Variants in PTGIS observed in about 807,000 individuals in gnomAD.
PTGIS encodes prostacyclin synthase.
In PTGIS, 45 loss-of-function variants were observed where a neutral mutation model predicts 50.3. That is an observed-to-expected ratio of 0.90 (90% confidence interval 0.70 to 1.15). PTGIS has a LOEUF of 1.15. Among genes scored for constraint, PTGIS ranks in the 50% most tolerant of loss-of-function variants. The probability of loss-of-function intolerance (pLI) is 0.00; values close to 1 mark genes in which losing one functional copy is unlikely to be tolerated. For missense variants in PTGIS, 668 were observed against 661.3 expected (o/e 1.01, Z -0.11); for synonymous variants, 260 against 267.7 (o/e 0.97, Z 0.28).
At chr20:49,544,712 G>C (rs1982315231) in intron 3 of PTGIS, among the ~76,000 whole-genome samples, 1 of 152,204 alleles carries the variant, frequency 6.6e-6, no homozygotes, top group African/African-American at 2.4e-5. Context: ...CCATTTTACA[G>C]ATGGAGAAAC....
At chr20:49,547,724 C>A in intron 3 of PTGIS, 117 bp downstream of exon 3, 1 of 1,223,518 alleles carries the variant, frequency 8.2e-7, no homozygotes, top group South Asian at 1.2e-5. Context: ...TTTGTGTTCT[C>A]AAGACAAAAT....
chr20:49,546,149 C>T (rs546637356), intron 3 of PTGIS, among the ~76,000 whole-genome samples: 20 of 152,222 alleles, frequency 1.3e-4, no homozygotes, highest in Non-Finnish European at 2.8e-4. Context: ...CCACTCCAAG[C>T]GCTGGTCCTC....
At chr20:49,521,056 T>C (rs2122851330) in intron 6 of PTGIS, among the ~76,000 whole-genome samples, 1 of 152,360 alleles carries the variant, frequency 6.6e-6, no homozygotes, top group South Asian at 2.1e-4. Context: ...CCCCAGCTTC[T>C]AGAATGGGGC....
chr20:49,560,631 C>T (rs1050683968), intron 1 of PTGIS, among the ~76,000 whole-genome samples: 10 of 152,138 alleles, frequency 6.6e-5, no homozygotes, highest in African/African-American at 1.4e-4. Flanking sequence ...GGAGATGCCA[C>T]GTGAGCAAAG....
At chr20:49,513,950 C>T (rs980814592) in intron 7 of PTGIS, among the ~76,000 whole-genome samples, 2 of 152,182 alleles carry the variant, frequency 1.3e-5, no homozygotes, top group Non-Finnish European at 2.9e-5. Flanking sequence ...TGCATGGATC[C>T]ACCTGTGCCT....
intron 1 of PTGIS, among the ~76,000 whole-genome samples, chr20:49,567,151 C>T (rs1982920027): frequency 2.6e-5 from 4 of 152,276 alleles, no homozygotes; most frequent in African/African-American, 9.6e-5. Flanking sequence ...TTACCTATAA[C>T]AGGATAAATA....
At chr20:49,559,729 A>G (rs1166672524) in intron 1 of PTGIS, among the ~76,000 whole-genome samples, 1 of 152,172 alleles carries the variant, frequency 6.6e-6, no homozygotes, top group Non-Finnish European at 1.5e-5. Flanking sequence ...ATTCATTTAT[A>G]TGAACTGTCC....
At chr20:49,559,378 C>G (rs928786592) in intron 1 of PTGIS, among the ~76,000 whole-genome samples, 1 of 152,188 alleles carries the variant, frequency 6.6e-6, no homozygotes, top group Admixed American at 6.5e-5. Context: ...GGTGTGGCCA[C>G]TCTTTCGTTC....
chr20:49,543,578 C>G lies in PTGIS; in HGVS notation c.521+727G>C, dbSNP rs140558361. On this transcript the variant is annotated intron_variant, in intron 4 of 9. Coordinates refer to ENST00000244043, the MANE Select transcript of PTGIS (RefSeq NM_000961.4). The stretch of plus-strand genomic sequence containing the variant: ...TATGCTGTAGCCACACTGGCCGTCT[C>G]TCTGAGCTTCCTCCCACCTCTGGGC... Among the ~76,000 whole-genome samples, 748 of 152,322 alleles carry G rather than the reference C, an allele frequency of 4.9e-3. 9 individuals carry two copies. Among genetic ancestry groups the G allele is most frequent in the African/African-American group, 0.012 (507 of 41,572 alleles).
rs58592527 is a variant in PTGIS at position 49,530,154 on chromosome 20, C to CA, written c.674-5916dup. Among the ~76,000 whole-genome samples the CA allele has an allele frequency of 4.8e-3, 621 of 128,822 alleles. 1 individual carries two copies. The highest frequency in any genetic ancestry group is 0.016 in the African/African-American group (558 of 34,812). 84.5% of individuals were successfully genotyped at this position (128,822 alleles called of 152,430 possible). On this transcript the variant is annotated intron_variant, in intron 5 of 9. Transcript: ENST00000244043. ...GGGAGACAAAAACGAAACTCTGTCT[C>CA]AAAAAAAAAAAAAAAAAATTAAACT...
Position 49,513,158 on chromosome 20 carries a change from G to C in PTGIS, c.1128C>G (p.Asn376Lys). The stretch of plus-strand genomic sequence containing the variant: ...GGAGGAGGCGGTCACCACGTCGCAG[G>C]TTGAATTCTCGCCCGTCTGCCATGG... ...AMPMADGREF[N>K]LRRGDRLLLF... Residue 376 changes from asparagine (N) to lysine (K), a missense_variant, in exon 8 of 10, where the codon AAC becomes AAG. Physicochemically the swap from Asn to Lys is moderately conservative, Grantham distance 94. Transcript: ENST00000244043. The C allele has an allele frequency of 6.2e-7, 1 of 1,614,144 alleles. No homozygotes were observed. Among genetic ancestry groups the C allele is most frequent in the Non-Finnish European group, 8.5e-7 (1 of 1,180,036 alleles).
chr20:49,545,511 G>A (rs536811782), intron 3 of PTGIS, among the ~76,000 whole-genome samples: 32 of 152,232 alleles, frequency 2.1e-4, no homozygotes, highest in African/African-American at 6.0e-4. Context: ...TGGTCCCATC[G>A]TGTGGACCTG....
chr20:49,530,422 A>T (rs1981907927), intron 5 of PTGIS, among the ~76,000 whole-genome samples: 1 of 152,154 alleles, frequency 6.6e-6, no homozygotes, highest in Non-Finnish European at 1.5e-5. Flanking sequence ...CAGTGATTTC[A>T]TTTCCTTTGA....
At chr20:49,516,919 G>A (rs1452220972) in intron 6 of PTGIS, among the ~76,000 whole-genome samples, 1 of 152,222 alleles carries the variant, frequency 6.6e-6, no homozygotes, top group Non-Finnish European at 1.5e-5. Flanking sequence ...CTGAGACCAG[G>A]TAGAGGTGGG....
intron 5 of PTGIS, among the ~76,000 whole-genome samples, chr20:49,524,767 A>G (rs1338847829): frequency 6.6e-6 from 1 of 152,180 alleles, no homozygotes; most frequent in Non-Finnish European, 1.5e-5. Flanking sequence ...CACTTACAAA[A>G]TCATCAGATC....
intron 9 of PTGIS, among the ~76,000 whole-genome samples, chr20:49,509,832 C>T (rs1981260545): frequency 6.7e-6 from 1 of 149,650 alleles, no homozygotes; most frequent in Admixed American, 6.7e-5. Context: ...GAGTGTTGGC[C>T]CCAGTCCCCC....
intron 1 of PTGIS, among the ~76,000 whole-genome samples, chr20:49,551,804 GTT>G (rs1465974992): frequency 1.0e-4 from 14 of 137,896 alleles, no homozygotes; most frequent in South Asian, 4.6e-4. Context: ...ATGTGTATGT[GTT>G]TGTGTGTGTG....
intron 9 of PTGIS, among the ~76,000 whole-genome samples, chr20:49,508,869 G>A (rs1162426725): frequency 1.3e-5 from 2 of 152,164 alleles, no homozygotes; most frequent in Admixed American, 1.3e-4. Flanking sequence ...GGATGTCAAC[G>A]GTTGCTGCCT....
chr20:49,533,741 G>C (rs1981994199), intron 5 of PTGIS, among the ~76,000 whole-genome samples: 1 of 152,112 alleles, frequency 6.6e-6, no homozygotes, highest in Admixed American at 6.5e-5. Flanking sequence ...CAGATCACTT[G>C]AGGTCAGGAG....
Sources: gnomAD v4.1 joint callset for allele counts (sites outside exome capture counted in the v4.1 genomes callset) on GRCh38, gnomAD v4.1.1 for gene constraint, MANE v1.5 for transcripts, NCBI Gene and HGNC (gene_info 2026-07-23, HGNC 2026-07-21) for gene names.